The following PCLO variants were observed in gnomAD, a reference collection of about 807,000 sequenced individuals.
The protein encoded by PCLO is protein piccolo.
In PCLO, 82 loss-of-function variants were observed where a neutral mutation model predicts 427.5. That is an observed-to-expected ratio of 0.19 (90% CI 0.16 to 0.23). The LOEUF (loss-of-function observed/expected upper bound fraction) is 0.23, where lower values mean the gene tolerates loss of function less well. Among genes scored for constraint, PCLO ranks in the 10% least tolerant of loss-of-function variants. The pLI, the probability that PCLO is intolerant of heterozygous loss-of-function variation, is 1.00. For missense variants in PCLO, 6,239 were observed against 6,115.9 expected (o/e 1.02, Z -0.67); for synonymous variants, 2,357 against 2,155.4 (o/e 1.09, Z -2.59).
intron 4 of PCLO, among the ~76,000 whole-genome samples, chr7:82,964,875 T>C (rs752981468): frequency 4.6e-5 from 7 of 152,212 alleles, no homozygotes; most frequent in Non-Finnish European, 7.3e-5. Flanking sequence ...GTTAAAACTG[T>C]AAAGAAAACA....
chr7:82,977,694 G>A lies in PCLO; in HGVS notation c.3301-11207C>T, dbSNP rs1019828381. ...CTCCCAAAGTGCTGGGATTACAGGC[G>A]TGAGCCACTGCACCTGGCCCAAAAT... On this transcript the variant is annotated intron_variant, in intron 3 of 24. Coordinates refer to ENST00000333891, the MANE Select transcript of PCLO (RefSeq NM_033026.6). Among the ~76,000 whole-genome samples the A allele has an allele frequency of 6.8e-4, 103 of 152,168 alleles. 1 individual carries two copies. Among genetic ancestry groups the A allele is most frequent in the Non-Finnish European group, 2.9e-4 (20 of 68,010 alleles).
intron 20 of PCLO, among the ~76,000 whole-genome samples, chr7:82,819,038 T>G (rs1791735551): frequency 6.6e-6 from 1 of 152,204 alleles, no homozygotes; most frequent in South Asian, 2.1e-4. Context: ...CTCTGCACTT[T>G]AAACAAATTA....
At chr7:82,949,070 T>C (rs2116413332) in intron 6 of PCLO, among the ~76,000 whole-genome samples, 1 of 152,336 alleles carries the variant, frequency 6.6e-6, no homozygotes, top group Admixed American at 6.5e-5. Context: ...ATCTGTTTAA[T>C]GTTTCCTATC....
chr7:82,999,006 G>A (rs552613959), intron 3 of PCLO, among the ~76,000 whole-genome samples: 64 of 150,666 alleles, frequency 4.2e-4, no homozygotes, highest in Non-Finnish European at 7.7e-4. Context: ...AAAAATTAAT[G>A]TTAGGGATAA....
At chr7:83,073,818 T>C (rs959791714) in intron 3 of PCLO, among the ~76,000 whole-genome samples, 14 of 151,014 alleles carry the variant, frequency 9.3e-5, no homozygotes, top group African/African-American at 2.7e-4. Flanking sequence ...TTTATTACAA[T>C]ATTTAATTTT....
At position 82,951,107 on chromosome 7, in the gene PCLO, T is replaced by C. The variant is rs1795334338; in HGVS notation, c.9481A>G (p.Ile3161Val). 1.9e-6 allele frequency: 3 copies of C among 1,613,844 alleles called. No homozygotes were observed. Among genetic ancestry groups the C allele is most frequent in the Non-Finnish European group, 8.5e-7 (1 of 1,179,822 alleles). ...ETDIAVTGID[I>V]SASLQTITME... Reference sequence around the variant, plus strand: ...GTAATAGTTTGCAAACTGGCACTGATATCAATACCAGTTACTGCAATGTCC... The same window carrying C: ...GTAATAGTTTGCAAACTGGCACTGACATCAATACCAGTTACTGCAATGTCC... The change falls in exon 6 of 25, where the codon ATC (isoleucine) becomes GTC (valine). Residue 3161 changes from isoleucine to valine, a missense_variant. This residue lies in a region of PCLO where 4,677 missense variants were observed against 4,468.4 expected (regional missense o/e 1.05). Coordinates refer to ENST00000333891, the MANE Select transcript of PCLO (RefSeq NM_033026.6).
rs746054139 is a variant in PCLO at position 83,134,242 on chromosome 7, T to TATATATATATATATATATATATATA, written c.3300+7_3300+8insTATATATATATATATATATATATAT. 1.5e-5 allele frequency: 16 copies of TATATATATATATATATATATATATA among 1,069,100 alleles called. No individual in the cohort carries two copies. Among genetic ancestry groups the TATATATATATATATATATATATATA allele is most frequent in the East Asian group, 1.3e-4 (4 of 31,944 alleles). The allele number at this position is 1,069,100 out of a possible 1,614,324, so 66.2% of individuals were successfully genotyped here. On this transcript the variant is annotated splice_region_variant and intron_variant, in intron 3 of 24. Transcript: ENST00000333891. ...TAATATATATATATATATATATATA[T>TATATATATATATATATATATATATA]AACTTACCTCAGTCAAATGTGGTGT... is the stretch of plus-strand genomic sequence containing the variant.
rs1303836589 is a variant in PCLO at position 82,954,869 on chromosome 7, A to G, written c.6084T>C (p.Asp2028=). Residue 2028 remains aspartate, a synonymous_variant, in exon 5 of 25, where the codon GAT becomes GAC. Transcript: ENST00000333891. ...ESLHSVVPQE[D]IVSSSFIIPE... ...GGATGATAAAAGAGCTTGAAACAAT[A>G]TCTTCCTGAGGCACAACAGAATGTA... 4 of 1,613,870 alleles carry G rather than the reference A, an allele frequency of 2.5e-6. No homozygotes were observed. The highest frequency in any genetic ancestry group is 2.5e-6 in the Non-Finnish European group (3 of 1,179,888).
chr7:82,886,044 G>A (rs1051945435), intron 9 of PCLO, among the ~76,000 whole-genome samples: 1 of 152,078 alleles, frequency 6.6e-6, no homozygotes, highest in Non-Finnish European at 1.5e-5. Context: ...AGTGATGGGA[G>A]AAGTTGCAAC....
chr7:83,077,334 A>G (rs1018815712), intron 3 of PCLO, among the ~76,000 whole-genome samples: 1 of 152,114 alleles, frequency 6.6e-6, no homozygotes, highest in Non-Finnish European at 1.5e-5. Context: ...GTCATTAACA[A>G]TAGGATTCAA....
At chr7:83,056,035 A>C (rs1157539352) in intron 3 of PCLO, among the ~76,000 whole-genome samples, 1 of 152,154 alleles carries the variant, frequency 6.6e-6, no homozygotes, top group Non-Finnish European at 1.5e-5. Context: ...TGTTAATTGT[A>C]CATTTTTATG....
At chr7:83,127,931 T>C (rs748760865) in intron 3 of PCLO, among the ~76,000 whole-genome samples, 2 of 152,132 alleles carry the variant, frequency 1.3e-5, no homozygotes, top group Non-Finnish European at 2.9e-5. Context: ...TTGACAATGA[T>C]AGCCTTGAGA....
At chr7:82,996,895 G>A (rs1390454743) in intron 3 of PCLO, among the ~76,000 whole-genome samples, 2 of 151,840 alleles carry the variant, frequency 1.3e-5, no homozygotes, top group Non-Finnish European at 2.9e-5. Context: ...TGTTTTATCT[G>A]GTGTTTAGTG....
chr7:82,895,536 T>C (rs1038930954), intron 9 of PCLO, among the ~76,000 whole-genome samples: 1 of 151,610 alleles, frequency 6.6e-6, no homozygotes, highest in African/African-American at 2.4e-5. Flanking sequence ...AAGCAAAAAT[T>C]GGGTCTTTGA....
At chr7:83,105,806 C>T (rs1790840258) in intron 3 of PCLO, among the ~76,000 whole-genome samples, 1 of 152,174 alleles carries the variant, frequency 6.6e-6, no homozygotes, top group African/African-American at 2.4e-5. Flanking sequence ...ATCTCTGGGG[C>T]TTTCTCTCTG....
intron 9 of PCLO, among the ~76,000 whole-genome samples, chr7:82,894,219 C>T (rs1793845970): frequency 6.6e-6 from 1 of 151,916 alleles, no homozygotes; most frequent in South Asian, 2.1e-4. Context: ...TAAAAAATAA[C>T]CAACCATTTC....
At chr7:83,095,377 A>G (rs1166155590) in intron 3 of PCLO, among the ~76,000 whole-genome samples, 1 of 151,774 alleles carries the variant, frequency 6.6e-6, no homozygotes, top group Middle Eastern at 3.2e-3. Flanking sequence ...AACTTTTTTA[A>G]AAAGTTCCTT....
At chr7:82,811,920 C>T (rs1791580129) in intron 20 of PCLO, among the ~76,000 whole-genome samples, 1 of 150,996 alleles carries the variant, frequency 6.6e-6, no homozygotes, top group African/African-American at 2.4e-5. Context: ...TTAGTCATTA[C>T]AGATATATTT....
intron 3 of PCLO, among the ~76,000 whole-genome samples, chr7:83,092,809 T>G (rs1790412143): frequency 6.6e-6 from 1 of 151,808 alleles, no homozygotes; most frequent in Non-Finnish European, 1.5e-5. Context: ...TGGTCGGGTG[T>G]GGTGATGAGT....
Sources: allele counts gnomAD v4.1 joint callset (sites outside exome capture counted in the v4.1 genomes callset), GRCh38; gene constraint gnomAD v4.1.1; regional missense constraint gnomAD v4.1.1; transcripts MANE v1.5; gene names NCBI Gene and HGNC (gene_info 2026-07-23, HGNC 2026-07-21).